The following PTPRT variants were observed in gnomAD, a reference collection of about 807,000 sequenced individuals.
The protein encoded by PTPRT is protein tyrosine phosphatase receptor type T.
Under a neutral mutation model 176.8 loss-of-function variants are expected in PTPRT, and 56 were observed. That is an observed-to-expected ratio of 0.32 (90% confidence interval 0.26 to 0.40). PTPRT has a LOEUF of 0.40. Ranked by LOEUF, PTPRT falls within the 10% of genes least tolerant of loss-of-function variation. The pLI is 1.00. For missense variants in PTPRT, 1,540 were observed against 1,908.2 expected, an observed-to-expected ratio of 0.81 and a Z score of 3.60; for synonymous variants, 783 against 739.0, an observed-to-expected ratio of 1.06 and a Z score of -0.96.
chr20:43,138,063 C>G (rs1033371823), intron 1 of PTPRT, among the ~76,000 whole-genome samples: 1 of 152,150 alleles, frequency 6.6e-6, no homozygotes, highest in Non-Finnish European at 1.5e-5. Flanking sequence ...CAAAGCTGAC[C>G]TCTGTTGTGA....
intron 9 of PTPRT, among the ~76,000 whole-genome samples, chr20:42,366,655 C>T (rs1291635347): frequency 2.0e-5 from 3 of 152,252 alleles, no homozygotes; most frequent in Non-Finnish European, 4.4e-5. Flanking sequence ...CTCAGTCCCT[C>T]TTACTCACCT....
At chr20:43,014,367 G>A (rs1038452568) in intron 1 of PTPRT, among the ~76,000 whole-genome samples, 12 of 152,138 alleles carry the variant, frequency 7.9e-5, no homozygotes, top group Admixed American at 3.9e-4. Flanking sequence ...TTTAATAAAC[G>A]GGGTATTTTT....
At chr20:42,506,635 A>C (rs1390020495) in intron 7 of PTPRT, among the ~76,000 whole-genome samples, 1 of 152,164 alleles carries the variant, frequency 6.6e-6, no homozygotes, top group Non-Finnish European at 1.5e-5. Context: ...TCCTGACTTG[A>C]GAAAAAAATG....
At chr20:42,472,836 G>A (rs978973174) in intron 7 of PTPRT, among the ~76,000 whole-genome samples, 14 of 152,182 alleles carry the variant, frequency 9.2e-5, no homozygotes, top group African/African-American at 2.9e-4. Context: ...AAATAAATGT[G>A]AAATTGTTAA....
Position 42,618,337 on chromosome 20 carries a change from T to C in PTPRT, c.1153+59529A>G, listed in dbSNP as rs546822422. Among the ~76,000 whole-genome samples, 4 of 135,502 alleles carry C rather than the reference T, an allele frequency of 3.0e-5. 1 individual carries two copies. In the South Asian group the frequency reaches 9.1e-4, roughly 31 times the overall value. The allele number at this position is 135,502 out of a possible 152,430, so 88.9% of individuals were successfully genotyped here. A position where few individuals can be genotyped will look rare whatever the true frequency, so the allele number is the denominator to read the frequency against. On this transcript the variant is annotated intron_variant, in intron 7 of 30. Coordinates refer to ENST00000373187, the MANE Select transcript of PTPRT (RefSeq NM_007050.6). The stretch of plus-strand genomic sequence containing the variant: ...GTTATAATTTCTGTTCTTTTACATT[T>C]GCTGAGGAGTGCTTTACTTCCAACT...
chr20:42,780,369 G>T (rs2077197642), intron 3 of PTPRT, 70 bp from the exon 4 acceptor site: 2 of 1,200,616 alleles, frequency 1.7e-6, no homozygotes, highest in Non-Finnish European at 2.5e-6. Flanking sequence ...AAGCTGCCCG[G>T]CCCCCAGCCC....
intron 7 of PTPRT, among the ~76,000 whole-genome samples, chr20:42,539,180 ACT>A (rs1417288105): frequency 2.6e-5 from 4 of 151,974 alleles, no homozygotes; most frequent in African/African-American, 9.7e-5. Flanking sequence ...TGAATAGTTG[ACT>A]CTGTATCTCC....
At chr20:42,567,695 C>G (rs1013896631) in intron 7 of PTPRT, among the ~76,000 whole-genome samples, 2 of 152,178 alleles carry the variant, frequency 1.3e-5, no homozygotes, top group South Asian at 2.1e-4. Flanking sequence ...CTATACCAAC[C>G]AGAATAAAAC....
chr20:42,705,421 G>A (rs1462215080), intron 6 of PTPRT, among the ~76,000 whole-genome samples: 18 of 151,980 alleles, frequency 1.2e-4, no homozygotes, highest in African/African-American at 3.4e-4. Flanking sequence ...TCACAAGGGC[G>A]GGGTGGGGGG....
At chr20:42,224,171 G>A (rs2055950778) in intron 15 of PTPRT, among the ~76,000 whole-genome samples, 1 of 152,148 alleles carries the variant, frequency 6.6e-6, no homozygotes, top group African/African-American at 2.4e-5. Context: ...CAGAAGCATT[G>A]AGTCCCTTGA....
At chr20:42,426,512 A>G (rs2059165503) in intron 9 of PTPRT, among the ~76,000 whole-genome samples, 1 of 152,152 alleles carries the variant, frequency 6.6e-6, no homozygotes. Flanking sequence ...CCATGTGTGA[A>G]CTGATTCTTC....
chr20:42,359,215 G>C (rs1198504041), intron 9 of PTPRT, among the ~76,000 whole-genome samples: 1 of 152,168 alleles, frequency 6.6e-6, no homozygotes, highest in Non-Finnish European at 1.5e-5. Flanking sequence ...CTCAGGCAAG[G>C]GGATGGAGGA....
chr20:42,237,569 T>C (rs1291745641), intron 14 of PTPRT, among the ~76,000 whole-genome samples: 1 of 152,234 alleles, frequency 6.6e-6, no homozygotes, highest in Non-Finnish European at 1.5e-5. Flanking sequence ...ATTTTATACT[T>C]TGAAGTTTCA....
chr20:42,554,096 A>C (rs898361098), intron 7 of PTPRT, among the ~76,000 whole-genome samples: 16 of 152,134 alleles, frequency 1.1e-4, no homozygotes, highest in South Asian at 2.1e-4. Context: ...ACCAAAAAAA[A>C]CGTTCTTGGG....
intron 6 of PTPRT, among the ~76,000 whole-genome samples, chr20:42,703,674 G>A (rs144258359): frequency 1.5e-3 from 221 of 152,260 alleles, no homozygotes; most frequent in African/African-American, 5.2e-3. Flanking sequence ...TTACTACACA[G>A]AAAAGCTTAT....
intron 7 of PTPRT, among the ~76,000 whole-genome samples, chr20:42,635,136 C>T (rs915375666): frequency 1.3e-5 from 2 of 152,044 alleles, no homozygotes; most frequent in African/African-American, 4.8e-5. Flanking sequence ...AGGCAAGCAT[C>T]CTCTTGGTCT....
intron 9 of PTPRT, among the ~76,000 whole-genome samples, chr20:42,432,105 A>C (rs1251351194): frequency 6.6e-6 from 1 of 152,212 alleles, no homozygotes; most frequent in African/African-American, 2.4e-5. Flanking sequence ...GTTAAGAGAC[A>C]AAACAGCTAT....
chr20:43,154,359 A>G (rs2014453983), intron 1 of PTPRT, among the ~76,000 whole-genome samples: 1 of 152,088 alleles, frequency 6.6e-6, no homozygotes. Context: ...TGGGTTCTCT[A>G]TTCTCTTCCA....
At chr20:42,680,595 C>T (rs2146079100) in intron 6 of PTPRT, among the ~76,000 whole-genome samples, 1 of 152,216 alleles carries the variant, frequency 6.6e-6, no homozygotes, top group South Asian at 2.1e-4. Context: ...TGCCCAATTC[C>T]TTAATATAAT....
Sources: allele counts gnomAD v4.1 joint callset (sites outside exome capture counted in the v4.1 genomes callset), GRCh38; gene constraint gnomAD v4.1.1; transcripts MANE v1.5; gene names NCBI Gene and HGNC (gene_info 2026-07-23, HGNC 2026-07-21).